Variants in STK36 observed in about 807,000 individuals in gnomAD.
STK36 encodes serine/threonine kinase 36, also known as serine/threonine-protein kinase 36.
STK36 carries 116 observed loss-of-function variants against 142.2 expected under a neutral mutation model. The observed-to-expected ratio is 0.82, with a 90% CI of 0.70 to 0.95. The LOEUF (loss-of-function observed/expected upper bound fraction) is 0.95, where lower values mean the gene tolerates loss of function less well. Ranked by LOEUF, STK36 falls within the 40% of genes least tolerant of loss-of-function variation. The pLI is 0.00. For missense variants in STK36, 1,422 were observed against 1,617.2 expected, an observed-to-expected ratio of 0.88 and a Z score of 2.07; for synonymous variants, 619 against 641.7, an observed-to-expected ratio of 0.96 and a Z score of 0.53.
At position 218,696,547 on chromosome 2, in the gene STK36, T is replaced by A; in HGVS notation, c.2532T>A (p.Gly844=). The change falls in exon 22 of 27, where the codon GGT becomes GGA. Residue 844 remains glycine (G), a synonymous_variant. Coordinates refer to ENST00000295709, the MANE Select transcript of STK36 (RefSeq NM_015690.5). ...GACAGGTTCGGTTGACTCCACCAGG[T>A]AGTTGTGGATTCTATGATGGCCTCC... is the stretch of plus-strand genomic sequence containing the variant. ...APAEVRLTPP[G]SCGFYDGLLI... 1 of 1,614,060 alleles carries A rather than the reference T, an allele frequency of 6.2e-7. No homozygotes were observed. The highest frequency in any genetic ancestry group is 8.5e-7 in the Non-Finnish European group (1 of 1,179,958).
chr2:218,673,806 A>G (rs769153599), intron 3 of STK36, 41 bp downstream of exon 3: 26 of 1,613,548 alleles, frequency 1.6e-5, no homozygotes, highest in Non-Finnish European at 2.1e-5. Context: ...CCCAAGCACA[A>G]GGGTTCCAGG....
At chr2:218,692,507 T>C (rs916896409) in intron 15 of STK36, 76 bp from the exon 16 acceptor site, 2 of 1,534,920 alleles carry the variant, frequency 1.3e-6, no homozygotes, top group Non-Finnish European at 1.7e-6. Context: ...CCTGCTGCCA[T>C]GTCGGTGAGT....
rs1940656922 is a variant in STK36 at position 218,683,962 on chromosome 2, T to TTA, written c.1237-1122_1237-1121insAT. 9.3e-5 allele frequency among the ~76,000 whole-genome samples: 3 copies of TTA among 32,248 alleles called. No homozygotes were observed. The African/African-American group carries it at 4.9e-3, about 53-fold the overall frequency. The allele number at this position is 32,248 out of a possible 152,430, so 21.2% of individuals were successfully genotyped here. A position where few individuals can be genotyped will look rare whatever the true frequency, so the allele number is the denominator to read the frequency against. On this transcript the variant is annotated intron_variant, in intron 10 of 26. Transcript: ENST00000295709. ...GTATTCCATGGTGTATATGTGCCACTTTTTTTTTTTTTTTTTTAAAGAGAC... is the reference window on the plus strand; with the variant it reads ...GTATTCCATGGTGTATATGTGCCACTTATTTTTTTTTTTTTTTTTAAAGAGAC...
chr2:218,692,120 A>G (rs1184350900), intron 14 of STK36, 23 bp from the exon 15 acceptor site: 1 of 1,605,026 alleles, frequency 6.2e-7, no homozygotes, highest in East Asian at 2.2e-5. Flanking sequence ...CCCTGATGCT[A>G]CCTCTGCACT....
In STK36 at chr2:218,685,248, T is replaced by C. The variant is rs1559336231; in HGVS notation, c.1380+20T>C. On this transcript the variant is annotated intron_variant, in intron 11 of 26. Coordinates refer to ENST00000295709, the MANE Select transcript of STK36 (RefSeq NM_015690.5). Reference sequence around the variant, plus strand: ...GGGCAGGTAATGGGGAGAAAGACACTGTGGATGGGATCAAGACTGTTTTCA... The same window carrying C: ...GGGCAGGTAATGGGGAGAAAGACACCGTGGATGGGATCAAGACTGTTTTCA... 1 of 1,614,058 alleles carries C rather than the reference T, an allele frequency of 6.2e-7. No homozygotes were observed. The highest frequency in any genetic ancestry group is 8.5e-7 in the Non-Finnish European group (1 of 1,179,948).
chr2:218,692,312 G>A lies in STK36; in HGVS notation c.1915+19G>A. The A allele has an allele frequency of 5.6e-6, 9 of 1,613,516 alleles. No homozygotes were observed. The highest frequency in any genetic ancestry group is 6.8e-6 in the Non-Finnish European group (8 of 1,179,892). On this transcript the variant is annotated intron_variant, in intron 15 of 26. Coordinates refer to ENST00000295709, the MANE Select transcript of STK36 (RefSeq NM_015690.5). ...CCCCAAGGTAACCAGAGTGGAGAAG[G>A]GAGGTTCTCTTGACTTACTTGTTGC...
chr2:218,694,401 A>C lies in STK36; in HGVS notation c.2400+74A>C. On this transcript the variant is annotated intron_variant, in intron 20 of 26. Transcript: ENST00000295709. The surrounding 1 kb of genome is among the most constrained non-coding windows in gnomAD (Gnocchi z 4.4). Reference sequence around the variant, plus strand: ...CCCTTGTGGAAGTGGGGGAGTCACTATCCAATTTGCATCTGTTTCTGGAGG... The same window carrying C: ...CCCTTGTGGAAGTGGGGGAGTCACTCTCCAATTTGCATCTGTTTCTGGAGG... The C allele has an allele frequency of 2.0e-6, 3 of 1,520,764 alleles. No homozygotes were observed. In the South Asian group the frequency reaches 3.4e-5, roughly 17 times the overall value. The allele number at this position is 1,520,764 out of a possible 1,614,324, so 94.2% of individuals were successfully genotyped here. A position where few individuals can be genotyped will look rare whatever the true frequency, so the allele number is the denominator to read the frequency against.
chr2:218,690,610 C>T, intron 14 of STK36, 55 bp downstream of exon 14: 3 of 1,383,192 alleles, frequency 2.2e-6, no homozygotes, highest in Non-Finnish European at 2.1e-6. Context: ...CCGTGTTTCT[C>T]CCATCCCCTT....
intron 1 of STK36, 136 bp downstream of exon 1, chr2:218,672,351 G>A: frequency 3.0e-6 from 1 of 329,812 alleles, no homozygotes; most frequent in Non-Finnish European, 5.7e-6. Flanking sequence ...GGAGCTTGGA[G>A]CTCCTAGGCT....
intron 9 of STK36, 22 bp downstream of exon 9, chr2:218,680,102 A>T: frequency 6.2e-7 from 1 of 1,610,024 alleles, no homozygotes; most frequent in South Asian, 1.1e-5. Context: ...ATAGTTAGGG[A>T]TTTGTAGGGT....
At chr2:218,693,204 G>A (rs1489697047) in intron 16 of STK36, 36 bp from the exon 17 acceptor site, 1 of 1,569,884 alleles carries the variant, frequency 6.4e-7, no homozygotes, top group South Asian at 1.1e-5. Flanking sequence ...TTGTAATCAT[G>A]TGGATAGGAT....
intron 10 of STK36, among the ~76,000 whole-genome samples, chr2:218,681,137 T>TC (rs1009652936): frequency 6.6e-6 from 1 of 152,160 alleles, no homozygotes; most frequent in African/African-American, 2.4e-5. Flanking sequence ...TCGTTTTTTT[T>TC]TTTTTTTCGA....
rs770755293 is a variant in STK36, at chr2:218,675,398, G to A, written c.359G>A (p.Arg120His). 32 of 1,612,686 alleles carry A rather than the reference G, an allele frequency of 2.0e-5. No homozygotes were observed. The Admixed American group carries it at 3.0e-4, about 15-fold the overall frequency. The change falls in exon 5 of 27, where the codon CGC (arginine) becomes CAC (histidine). Residue 120 changes from arginine to histidine, a missense_variant. Arg to His is a conservative substitution (Grantham distance 29). Coordinates refer to ENST00000295709, the MANE Select transcript of STK36 (RefSeq NM_015690.5). ...VSALYYLHSH[R>H]ILHRDMKPQN... ...GCCCTGTACTATCTGCATTCCCACC[G>A]CATCCTACACCGAGATATGAAGCCT...
At position 218,685,196 on chromosome 2, in the gene STK36, A is replaced by C; in HGVS notation, c.1348A>C (p.Ile450Leu). 2 of 1,614,204 alleles carry C rather than the reference A, an allele frequency of 1.2e-6. No homozygotes were observed. Among genetic ancestry groups the C allele is most frequent in the Non-Finnish European group, 1.7e-6 (2 of 1,180,018 alleles). The stretch of plus-strand genomic sequence containing the variant: ...GTGTAATCCTGACTTCTGCCAGCGC[A>C]TCCAGAGTCAGCTGCATGAAGCTGG... ...LLCNPDFCQRIQSQLHEAGGQ... is the reference protein window; with the variant it reads ...LLCNPDFCQRLQSQLHEAGGQ... The change falls in exon 11 of 27, where the codon ATC becomes CTC. Residue 450 changes from isoleucine to leucine, a missense_variant. Ile to Leu is a conservative substitution (Grantham distance 5). This residue lies in a region of STK36 where 962 missense variants were observed against 1,167.5 expected (regional missense o/e 0.82). Coordinates refer to ENST00000295709, the MANE Select transcript of STK36 (RefSeq NM_015690.5).
intron 8 of STK36, 67 bp from the exon 9 acceptor site, chr2:218,679,826 A>G (rs1322377381): frequency 6.2e-7 from 1 of 1,604,200 alleles, no homozygotes; most frequent in Non-Finnish European, 8.5e-7. Context: ...AGGGCCGTGA[A>G]TAGCATTCAT....
At position 218,679,149 on chromosome 2, in the gene STK36, A is replaced by C. The variant is rs756822485; in HGVS notation, c.685-19A>C. Reference sequence around the variant, plus strand: ...GGGAAGGGAAAGAATGACTGATGGAATATTTTTTCTCTCTGTAGAACTTCC... The same window carrying C: ...GGGAAGGGAAAGAATGACTGATGGACTATTTTTTCTCTCTGTAGAACTTCC... On this transcript the variant is annotated intron_variant, in intron 6 of 26. Coordinates refer to ENST00000295709, the MANE Select transcript of STK36 (RefSeq NM_015690.5). The C allele has an allele frequency of 6.2e-7, 1 of 1,611,870 alleles. No homozygotes were observed. The highest frequency in any genetic ancestry group is 1.1e-5 in the South Asian group (1 of 91,002).
intron 13 of STK36, 100 bp from the exon 14 acceptor site, chr2:218,690,350 C>G: frequency 1.1e-6 from 1 of 942,496 alleles, no homozygotes; most frequent in South Asian, 1.3e-5. Flanking sequence ...TGATGTGTCC[C>G]TTTGCAGAGA....
chr2:218,675,323 T>C lies in STK36; in HGVS notation c.304-20T>C, dbSNP rs1559328358. On this transcript the variant is annotated intron_variant, in intron 4 of 26. Transcript: ENST00000295709. The stretch of plus-strand genomic sequence containing the variant: ...TGTTTCTAACCTTTTTTTTCTTTCT[T>C]CCACCTCTTTAATTTCTAGGTTCAG... 2.5e-6 allele frequency: 4 copies of C among 1,599,620 alleles called. No homozygotes were observed. Among genetic ancestry groups the C allele is most frequent in the Non-Finnish European group, 3.4e-6 (4 of 1,172,956 alleles).
At chr2:218,700,383 A>ATTATTTAT (rs896654091) in intron 26 of STK36, among the ~76,000 whole-genome samples, 1 of 151,302 alleles carries the variant, frequency 6.6e-6, no homozygotes, top group Non-Finnish European at 1.5e-5. Context: ...TTGTATTTTT[A>ATTATTTAT]TTATTTATTT....
Sources: allele counts gnomAD v4.1 joint callset (sites outside exome capture counted in the v4.1 genomes callset), GRCh38; gene constraint gnomAD v4.1.1; regional missense constraint gnomAD v4.1.1; non-coding constraint Gnocchi (gnomAD v3.1); transcripts MANE v1.5; gene names NCBI Gene and HGNC (gene_info 2026-07-23, HGNC 2026-07-21).